Variants in GALNTL6 observed in about 807,000 individuals in gnomAD.
GALNTL6 encodes polypeptide N-acetylgalactosaminyltransferase-like 6.
A neutral mutation model predicts 73.7 loss-of-function variants in GALNTL6; 46 were observed. The ratio of observed to expected loss-of-function variants is 0.62; its 90% confidence interval spans 0.49 to 0.80. The LOEUF is 0.80. GALNTL6 is among the 30% of genes least tolerant of loss of function. The pLI is 0.00. For synonymous variants in GALNTL6, 259 were observed against 263.7 expected (o/e 0.98, Z 0.17); for missense variants, 604 against 755.0 (o/e 0.80, Z 2.34).
At chr4:172,515,175 GTGTT>G (rs1191310646) in intron 5 of GALNTL6, among the ~76,000 whole-genome samples, 37 of 152,336 alleles carry the variant, frequency 2.4e-4, no homozygotes, top group Middle Eastern at 3.4e-3. Flanking sequence ...TAGTTCACAA[GTGTT>G]TGTTTGTACT....
intron 5 of GALNTL6, among the ~76,000 whole-genome samples, chr4:172,712,060 C>G (rs945927397): frequency 6.6e-6 from 1 of 152,098 alleles, no homozygotes; most frequent in Non-Finnish European, 1.5e-5. Context: ...GTTTAACAAT[C>G]AATATTTTTC....
At chr4:172,130,322 T>A (rs1733453963) in intron 2 of GALNTL6, among the ~76,000 whole-genome samples, 1 of 151,846 alleles carries the variant, frequency 6.6e-6, no homozygotes, top group Non-Finnish European at 1.5e-5. Context: ...TTAAGTTTAA[T>A]ATAATTACTT....
intron 5 of GALNTL6, among the ~76,000 whole-genome samples, chr4:172,692,286 A>G (rs1350164308): frequency 6.6e-6 from 1 of 152,104 alleles, no homozygotes; most frequent in East Asian, 1.9e-4. Context: ...AGATTTTTGC[A>G]ATTATAACTA....
chr4:172,875,348 G>A (rs995626981), intron 7 of GALNTL6, among the ~76,000 whole-genome samples: 56 of 152,260 alleles, frequency 3.7e-4, no homozygotes, highest in African/African-American at 1.3e-3. Context: ...AATCCAATAA[G>A]AATTGCTGAA....
At chr4:172,325,333 T>C (rs1185457596) in intron 4 of GALNTL6, among the ~76,000 whole-genome samples, 4 of 151,918 alleles carry the variant, frequency 2.6e-5, no homozygotes, top group Non-Finnish European at 5.9e-5. Context: ...AAATTTGTAA[T>C]TAAAAGACTA....
chr4:172,451,332 G>A (rs1732200196), intron 5 of GALNTL6, among the ~76,000 whole-genome samples: 3 of 152,126 alleles, frequency 2.0e-5, no homozygotes, highest in South Asian at 2.1e-4. Context: ...ATTTGACTAC[G>A]GGTTTCCCAG....
At chr4:172,185,088 A>G (rs1407152880) in intron 2 of GALNTL6, among the ~76,000 whole-genome samples, 2 of 152,188 alleles carry the variant, frequency 1.3e-5, no homozygotes, top group Non-Finnish European at 1.5e-5. Context: ...AGAATCAACC[A>G]TAGTTAGAAG....
chr4:172,873,432 G>A (rs1256831794), intron 7 of GALNTL6, among the ~76,000 whole-genome samples: 1 of 152,146 alleles, frequency 6.6e-6, no homozygotes, highest in Non-Finnish European at 1.5e-5. Context: ...AGTCACAGGG[G>A]GTGAAGTCTG....
At chr4:172,393,465 C>T (rs1244048635) in intron 5 of GALNTL6, among the ~76,000 whole-genome samples, 1 of 152,160 alleles carries the variant, frequency 6.6e-6, no homozygotes, top group East Asian at 1.9e-4. Context: ...ACTCCAACCA[C>T]TCTGAGTAGC....
chr4:172,486,397 G>C (rs1053391156), intron 5 of GALNTL6, among the ~76,000 whole-genome samples: 1 of 152,142 alleles, frequency 6.6e-6, no homozygotes, highest in African/African-American at 2.4e-5. Flanking sequence ...TGTGGAAACT[G>C]TTGGCTGAAA....
chr4:172,103,921 G>GGTTTTT (rs763336758), intron 2 of GALNTL6, among the ~76,000 whole-genome samples: 59,006 of 150,238 alleles, frequency 0.39, 12,087 homozygotes, highest in African/African-American at 0.47. Context: ...AACTAGGACA[G>GGTTTTT]GTTTTTGTTT....
intron 9 of GALNTL6, 41 bp downstream of exon 9, chr4:172,931,309 C>A: frequency 8.5e-7 from 1 of 1,178,154 alleles, no homozygotes; most frequent in Non-Finnish European, 1.3e-6. Context: ...GTTGATATGG[C>A]TTTCTGTAAC....
chr4:172,976,818 C>T (rs1750832420), intron 10 of GALNTL6, among the ~76,000 whole-genome samples: 1 of 152,142 alleles, frequency 6.6e-6, no homozygotes, highest in African/African-American at 2.4e-5. Context: ...TCTTTTACAG[C>T]CTTCACGATG....
intron 5 of GALNTL6, among the ~76,000 whole-genome samples, chr4:172,493,846 G>A (rs916379369): frequency 6.6e-6 from 1 of 152,082 alleles, no homozygotes; most frequent in Non-Finnish European, 1.5e-5. Flanking sequence ...TTAAAATTCA[G>A]ACTCTGAGTA....
At chr4:172,179,155 A>C (rs1311587318) in intron 2 of GALNTL6, among the ~76,000 whole-genome samples, 59 of 146,880 alleles carry the variant, frequency 4.0e-4, no homozygotes, top group Admixed American at 4.7e-4. Context: ...ATTTATAGTC[A>C]TTTGGGTATA....
intron 5 of GALNTL6, among the ~76,000 whole-genome samples, chr4:172,459,663 G>A (rs183703092): frequency 1.2e-4 from 18 of 152,282 alleles, no homozygotes; most frequent in Middle Eastern, 3.4e-3. Flanking sequence ...CAAGGGATAT[G>A]AAGGACCTCT....
intron 2 of GALNTL6, among the ~76,000 whole-genome samples, chr4:172,063,959 T>A (rs747206301): frequency 1.3e-5 from 2 of 152,214 alleles, no homozygotes; most frequent in African/African-American, 4.8e-5. Flanking sequence ...TGCAAATTTA[T>A]GTTAAATGAG....
At chr4:172,565,842 G>A (rs1119637) in intron 5 of GALNTL6, among the ~76,000 whole-genome samples, 68,301 of 151,864 alleles carry the variant, frequency 0.45, 17,569 homozygotes, top group East Asian at 0.67. Context: ...TAGATTGTAT[G>A]GTTCTAGGAA....
intron 2 of GALNTL6, among the ~76,000 whole-genome samples, chr4:172,174,841 A>G (rs1216464586): frequency 2.6e-5 from 4 of 152,204 alleles, no homozygotes; most frequent in Non-Finnish European, 1.5e-5. Context: ...GCAGTATTAT[A>G]TATTGTGCAT....
Sources: gnomAD v4.1 joint callset for allele counts (sites outside exome capture counted in the v4.1 genomes callset) on GRCh38, gnomAD v4.1.1 for gene constraint, MANE v1.5 for transcripts, NCBI Gene and HGNC (gene_info 2026-07-23, HGNC 2026-07-21) for gene names.